KCNN3: variants seen among roughly 807,000 people sequenced by gnomAD.
KCNN3 encodes the protein small conductance calcium-activated potassium channel protein 3.
KCNN3 carries 16 observed loss-of-function variants against 62.9 expected under a neutral mutation model. The ratio of observed to expected loss-of-function variants is 0.25; its 90% CI spans 0.17 to 0.39. KCNN3 has a LOEUF of 0.39. Ranked by LOEUF, KCNN3 falls within the 10% of genes least tolerant of loss-of-function variation. KCNN3 has a pLI of 1.00. For missense variants in KCNN3, 599 were observed against 949.4 expected, an observed-to-expected ratio of 0.63 and a Z score of 4.85; for synonymous variants, 370 against 389.2, an observed-to-expected ratio of 0.95 and a Z score of 0.58.
intron 5 of KCNN3, 38 bp downstream of exon 5, chr1:154,725,878 T>G (rs548119667): frequency 2.5e-5 from 38 of 1,528,486 alleles, no homozygotes; most frequent in Non-Finnish European, 3.2e-5. Context: ...CACTGTGGCC[T>G]TAAGTCCCCC....
chr1:154,823,182 C>T (rs550978642), intron 1 of KCNN3, among the ~76,000 whole-genome samples: 2 of 152,322 alleles, frequency 1.3e-5, no homozygotes, highest in South Asian at 4.1e-4. Context: ...TGGGTTGGAA[C>T]TTGGTGCACC....
At chr1:154,835,935 C>G (rs1247807883) in intron 1 of KCNN3, among the ~76,000 whole-genome samples, 1 of 152,212 alleles carries the variant, frequency 6.6e-6, no homozygotes, top group African/African-American at 2.4e-5. Context: ...ATTTCCAAGT[C>G]TTCTGTATAG....
chr1:154,806,041 T>C (rs1276802452), intron 2 of KCNN3, among the ~76,000 whole-genome samples: 5 of 152,162 alleles, frequency 3.3e-5, no homozygotes, highest in African/African-American at 1.2e-4. Context: ...TAGAGCCCCG[T>C]GATGTCCGTG....
At position 154,797,694 on chromosome 1, in the gene KCNN3, A is replaced by C. The variant is rs560778027; in HGVS notation, c.1029+24395T>G. ...CCCCAGTGCCAGGAACAGTGTAAGC[A>C]CTCTTTCAATTTTTGGTAAATGAAT... On this transcript the variant is annotated intron_variant, in intron 2 of 7. Coordinates refer to ENST00000271915, the MANE Select transcript of KCNN3 (RefSeq NM_002249.6). Among the ~76,000 whole-genome samples, 7 of 152,250 alleles carry C rather than the reference A, an allele frequency of 4.6e-5. No individual in the cohort carries two copies. In the East Asian group the frequency reaches 1.4e-3, roughly 29 times the overall value.
At chr1:154,839,760 GCC>G (rs1651750068) in intron 1 of KCNN3, among the ~76,000 whole-genome samples, 2 of 6,936 alleles carry the variant, frequency 2.9e-4, no homozygotes, top group Non-Finnish European at 5.1e-3. Flanking sequence ...CCTTCTGGGG[GCC>G]CTGGCCACTG....
In KCNN3 at chr1:154,818,386, G is replaced by C. The variant is rs763948296; in HGVS notation, c.1029+3703C>G. On this transcript the variant is annotated intron_variant, in intron 2 of 7. Coordinates refer to ENST00000271915, the MANE Select transcript of KCNN3 (RefSeq NM_002249.6). The stretch of plus-strand genomic sequence containing the variant: ...ACATTGGTAGGGCAGCCTCTCCCAG[G>C]GGGGCCAGCAGCTCCGTCACAGTAG... 2.6e-5 allele frequency among the ~76,000 whole-genome samples: 4 copies of C among 152,198 alleles called. No homozygotes were observed. The South Asian group carries it at 8.3e-4, about 31-fold the overall frequency.
chr1:154,744,258 G>C (rs560589021), intron 3 of KCNN3, among the ~76,000 whole-genome samples: 1 of 152,018 alleles, frequency 6.6e-6, no homozygotes, highest in Middle Eastern at 3.2e-3. Flanking sequence ...GCTCCACTTC[G>C]TCTTTCTCAC....
At chr1:154,728,970 T>C (rs1473108152) in intron 4 of KCNN3, among the ~76,000 whole-genome samples, 1 of 152,204 alleles carries the variant, frequency 6.6e-6, no homozygotes, top group East Asian at 1.9e-4. Flanking sequence ...GCCTGTCCCC[T>C]GGGTCCCCTT....
chr1:154,775,937 C>G (rs897557046), intron 2 of KCNN3, among the ~76,000 whole-genome samples: 15 of 152,204 alleles, frequency 9.9e-5, no homozygotes. Context: ...ACTATAGTAA[C>G]TGGGTTCACT....
At chr1:154,836,023 T>G (rs1651568059) in intron 1 of KCNN3, among the ~76,000 whole-genome samples, 1 of 152,192 alleles carries the variant, frequency 6.6e-6, no homozygotes, top group African/African-American at 2.4e-5. Flanking sequence ...TGAGGGCGTC[T>G]GGAGGCAGAC....
intron 1 of KCNN3, among the ~76,000 whole-genome samples, chr1:154,849,470 C>T (rs985495299): frequency 3.9e-5 from 6 of 152,226 alleles, no homozygotes; most frequent in Non-Finnish European, 8.8e-5. Context: ...GCTTCCCATC[C>T]GGGTTCCCAC....
chr1:154,726,939 G>T (rs1700481195), intron 4 of KCNN3, among the ~76,000 whole-genome samples: 2 of 152,204 alleles, frequency 1.3e-5, no homozygotes, highest in Admixed American at 6.5e-5. Context: ...TCCTCTGGGT[G>T]CATACTTGAC....
At chr1:154,797,179 T>C (rs1230938121) in intron 2 of KCNN3, among the ~76,000 whole-genome samples, 2 of 152,318 alleles carry the variant, frequency 1.3e-5, no homozygotes, top group East Asian at 3.9e-4. Flanking sequence ...GGCTCACAGG[T>C]CTGGCCTTGG....
chr1:154,778,809 C>T (rs368589797), intron 2 of KCNN3, among the ~76,000 whole-genome samples: 5 of 151,984 alleles, frequency 3.3e-5, no homozygotes, highest in African/African-American at 1.2e-4. Context: ...ACCATGTTGG[C>T]CAGGCTGGTC....
rs377023076 is a variant in KCNN3 at position 154,808,303 on chromosome 1, A to G, written c.1029+13786T>C. On this transcript the variant is annotated intron_variant, in intron 2 of 7. Coordinates refer to ENST00000271915, the MANE Select transcript of KCNN3 (RefSeq NM_002249.6). Reference sequence around the variant, plus strand: ...CAACATTCCCTTTACGATCAGCTGCATGCCTCCCATTCCGCAGAGCCCTGA... The same window carrying G: ...CAACATTCCCTTTACGATCAGCTGCGTGCCTCCCATTCCGCAGAGCCCTGA... 4.9e-3 allele frequency among the ~76,000 whole-genome samples: 741 copies of G among 152,212 alleles called. 3 individuals carry two copies. The highest frequency in any genetic ancestry group is 0.017 in the African/African-American group (704 of 41,538).
intron 2 of KCNN3, among the ~76,000 whole-genome samples, chr1:154,774,876 G>A (rs539669956): frequency 6.6e-6 from 1 of 152,384 alleles, no homozygotes; most frequent in South Asian, 2.1e-4. Context: ...TCCTGGGAAG[G>A]CCTGAGCTGC....
chr1:154,805,046 G>A (rs956473682), intron 2 of KCNN3, among the ~76,000 whole-genome samples: 14 of 152,226 alleles, frequency 9.2e-5, no homozygotes, highest in Admixed American at 6.5e-4. Context: ...CAAGAGGGGC[G>A]TGAGAGATGC....
chr1:154,776,482 A>G (rs1648796443), intron 2 of KCNN3, among the ~76,000 whole-genome samples: 1 of 152,150 alleles, frequency 6.6e-6, no homozygotes, highest in Non-Finnish European at 1.5e-5. Flanking sequence ...AGCTTCTGCT[A>G]GACAGGGCTC....
chr1:154,821,909 G>A (rs903678432), intron 2 of KCNN3, among the ~76,000 whole-genome samples, 180 bp downstream of exon 2: 2 of 152,200 alleles, frequency 1.3e-5, no homozygotes, highest in Non-Finnish European at 2.9e-5. Flanking sequence ...GGGCGGCCTC[G>A]CAGTTTCCTC....
Sources: gnomAD v4.1 joint callset for allele counts (sites outside exome capture counted in the v4.1 genomes callset) on GRCh38, gnomAD v4.1.1 for gene constraint, MANE v1.5 for transcripts, NCBI Gene and HGNC (gene_info 2026-07-23, HGNC 2026-07-21) for gene names.